NALF1: variants seen among roughly 807,000 people sequenced by gnomAD.
NALF1 encodes family with sequence similarity 155 member A.
NALF1 carries 3 observed loss-of-function variants against 48.4 expected under a neutral mutation model. The ratio of observed to expected loss-of-function variants is 0.06; its 90% CI spans 0.03 to 0.16. The LOEUF is 0.16. Ranked by LOEUF, NALF1 falls within the 10% of genes least tolerant of loss-of-function variation. The pLI is 1.00. For missense variants in NALF1, 526 were observed against 571.5 expected (o/e 0.92, Z 0.81); for synonymous variants, 262 against 245.7 (o/e 1.07, Z -0.62).
intron 1 of NALF1, among the ~76,000 whole-genome samples, chr13:107,371,583 T>C (rs9514671): frequency 0.13 from 20,151 of 152,238 alleles, 1,341 homozygotes; most frequent in African/African-American, 0.16. Context: ...CCTTTTGTTA[T>C]GATAAAGTCA....
At chr13:107,571,770 G>A (rs755996524) in intron 1 of NALF1, among the ~76,000 whole-genome samples, 5 of 152,172 alleles carry the variant, frequency 3.3e-5, no homozygotes, top group Admixed American at 6.5e-5. Context: ...TACTATTAGA[G>A]TGGTACTGAA....
intron 1 of NALF1, among the ~76,000 whole-genome samples, chr13:107,608,373 A>G (rs535667048): frequency 1.3e-5 from 2 of 152,360 alleles, no homozygotes; most frequent in South Asian, 4.1e-4. Context: ...AGATAATTCC[A>G]GGCCCCCTAT....
At chr13:107,378,633 A>T (rs888325676) in intron 1 of NALF1, among the ~76,000 whole-genome samples, 6 of 152,156 alleles carry the variant, frequency 3.9e-5, no homozygotes, top group Non-Finnish European at 8.8e-5. Flanking sequence ...GTTTCAAGTG[A>T]CAAAACATTT....
chr13:107,575,715 A>G (rs890556331), intron 1 of NALF1, among the ~76,000 whole-genome samples: 3 of 152,218 alleles, frequency 2.0e-5, no homozygotes, highest in Non-Finnish European at 2.9e-5. Flanking sequence ...TTCAGCCATC[A>G]GTCTGTAGTG....
intron 1 of NALF1, among the ~76,000 whole-genome samples, chr13:107,637,568 G>A (rs563725553): frequency 2.1e-4 from 32 of 152,082 alleles, no homozygotes; most frequent in Non-Finnish European, 3.8e-4. Flanking sequence ...ACACTGCTGT[G>A]GCAGATTCAT....
rs77191411 is a variant in NALF1 at position 107,647,822 on chromosome 13, T to A, written c.915+217860A>T. 6.3e-3 allele frequency among the ~76,000 whole-genome samples: 957 copies of A among 152,262 alleles called. 11 individuals carry two copies. The highest frequency in any genetic ancestry group is 0.021 in the African/African-American group (891 of 41,562). ...GTTAAATATTACATTTTCCAAATTTTAAGCCATTGAGCTTCTTCACATATT... is the reference window on the plus strand; with the variant it reads ...GTTAAATATTACATTTTCCAAATTTAAAGCCATTGAGCTTCTTCACATATT... On this transcript the variant is annotated intron_variant, in intron 1 of 2. Transcript: ENST00000375915.
intron 1 of NALF1, among the ~76,000 whole-genome samples, chr13:107,756,740 G>A (rs115203796): frequency 0.016 from 2,419 of 152,154 alleles, 60 homozygotes; most frequent in African/African-American, 0.055. Context: ...GCAAAAAAGA[G>A]GGTGTGTGCT....
intron 1 of NALF1, among the ~76,000 whole-genome samples, chr13:107,396,275 G>A (rs1326229034): frequency 6.6e-6 from 1 of 152,028 alleles, no homozygotes; most frequent in African/African-American, 2.4e-5. Context: ...TGGGGGTAAG[G>A]GCATCAACAT....
At chr13:107,461,156 A>C (rs1377239570) in intron 1 of NALF1, among the ~76,000 whole-genome samples, 1 of 152,200 alleles carries the variant, frequency 6.6e-6, no homozygotes, top group Non-Finnish European at 1.5e-5. Context: ...CTATGGATTA[A>C]ACCCAAGGTC....
At chr13:107,460,771 T>C (rs558787937) in intron 1 of NALF1, among the ~76,000 whole-genome samples, 1 of 152,350 alleles carries the variant, frequency 6.6e-6, no homozygotes, top group East Asian at 1.9e-4. Flanking sequence ...TCAATTCATA[T>C]TTATCAAAAC....
chr13:107,681,482 G>GT (rs539151829), intron 1 of NALF1, among the ~76,000 whole-genome samples: 292 of 126,826 alleles, frequency 2.3e-3, no homozygotes, highest in Non-Finnish European at 4.0e-3. Context: ...AGGGAGAAAA[G>GT]TTTAAAAAAA....
At position 107,231,024 on chromosome 13, in the gene NALF1, G is replaced by A. The variant is rs146799692; in HGVS notation, c.916-20269C>T. ...GCAGTGAGCCCATGGTTGTGTCTCT[G>A]CACTCCAGCCTGAGCAACAGAGCAA... On this transcript the variant is annotated intron_variant, in intron 1 of 2. Coordinates refer to ENST00000375915, the MANE Select transcript of NALF1 (RefSeq NM_001080396.3). Among the ~76,000 whole-genome samples the A allele has an allele frequency of 3.6e-3, 462 of 129,706 alleles. 3 individuals carry two copies. The highest frequency in any genetic ancestry group is 0.013 in the African/African-American group (428 of 33,650). The allele number at this position is 129,706 out of a possible 152,430, so 85.1% of individuals were successfully genotyped here.
At position 107,165,410 on chromosome 13, in the gene NALF1, A is replaced by G. The variant is rs1321937574; in HGVS notation, c.*5087T>C. 6.6e-6 allele frequency: 1 copy of G among 152,182 alleles called. No homozygotes were observed. The highest frequency in any genetic ancestry group is 1.5e-5 in the Non-Finnish European group (1 of 68,038). 9.4% of individuals were successfully genotyped at this position (152,182 alleles called of 1,614,324 possible). A position where few individuals can be genotyped will look rare whatever the true frequency, so the allele number is the denominator to read the frequency against. ...AGCTTGTGTAATTTGTAATCAGAAG[A>G]TGCTTGAGTTCCATCATTTGCATTA... On this transcript the variant is annotated 3_prime_UTR_variant, in exon 3 of 3. Transcript: ENST00000375915.
intron 1 of NALF1, among the ~76,000 whole-genome samples, chr13:107,288,264 G>T (rs1182202547): frequency 7.2e-6 from 1 of 139,416 alleles, no homozygotes; most frequent in Non-Finnish European, 1.5e-5. Context: ...CTGTCGCCCA[G>T]GCTGGAGGGC....
chr13:107,862,957 A>G (rs1880615145), intron 1 of NALF1, among the ~76,000 whole-genome samples: 1 of 151,618 alleles, frequency 6.6e-6, no homozygotes, highest in Non-Finnish European at 1.5e-5. Flanking sequence ...TTTTTCTAAA[A>G]TATGTATCCC....
chr13:107,218,315 C>A (rs1030681363), intron 1 of NALF1, among the ~76,000 whole-genome samples: 1 of 152,176 alleles, frequency 6.6e-6, no homozygotes, highest in African/African-American at 2.4e-5. Context: ...CTTCCCAGAC[C>A]CTATGCTCTT....
intron 1 of NALF1, among the ~76,000 whole-genome samples, chr13:107,660,436 AACACACACACACAC>A (rs201215515): frequency 1.7e-3 from 158 of 93,682 alleles, no homozygotes; most frequent in African/African-American, 7.8e-3. Flanking sequence ...CTGTCTCAAA[AACACACACACACAC>A]ACACACACAC....
intron 1 of NALF1, among the ~76,000 whole-genome samples, chr13:107,646,401 ATC>A (rs1467721148): frequency 1.3e-5 from 2 of 152,038 alleles, no homozygotes; most frequent in Non-Finnish European, 2.9e-5. Context: ...ATAAAATGTC[ATC>A]TGATGGGATT....
At chr13:107,189,933 C>T (rs1879248557) in intron 2 of NALF1, among the ~76,000 whole-genome samples, 1 of 152,120 alleles carries the variant, frequency 6.6e-6, no homozygotes, top group South Asian at 2.1e-4. Context: ...TGCTAGCTAC[C>T]TCAGCACTGG....
Sources: gnomAD v4.1 joint callset for allele counts (sites outside exome capture counted in the v4.1 genomes callset) on GRCh38, gnomAD v4.1.1 for gene constraint, MANE v1.5 for transcripts, NCBI Gene and HGNC (gene_info 2026-07-23, HGNC 2026-07-21) for gene names.